Variants in NUGGC observed in about 807,000 individuals in gnomAD.
NUGGC encodes the protein nuclear GTPase, germinal center associated, also known as nuclear GTPase SLIP-GC.
A neutral mutation model predicts 92.6 loss-of-function variants in NUGGC; 58 were observed. That is an observed-to-expected ratio of 0.63 (90% CI 0.51 to 0.78). The LOEUF is 0.78. NUGGC is among the 30% of genes least tolerant of loss of function. The probability of loss-of-function intolerance (pLI) is 0.00; values close to 1 mark genes in which losing one functional copy is unlikely to be tolerated. For synonymous variants in NUGGC, 376 were observed against 366.4 expected, an observed-to-expected ratio of 1.03 and a Z score of -0.30; for missense variants, 925 against 964.6, an observed-to-expected ratio of 0.96 and a Z score of 0.54.
At chr8:28,049,728 A>G (rs1024926207) in intron 10 of NUGGC, among the ~76,000 whole-genome samples, 2 of 152,236 alleles carry the variant, frequency 1.3e-5, no homozygotes, top group Non-Finnish European at 2.9e-5. Flanking sequence ...ATAAAACGTA[A>G]CACAATATAT....
intron 18 of NUGGC, among the ~76,000 whole-genome samples, chr8:28,024,410 C>A (rs1809203253): frequency 6.6e-6 from 1 of 152,052 alleles, no homozygotes; most frequent in Non-Finnish European, 1.5e-5. Flanking sequence ...GGCCTCTGGA[C>A]TCGAACTGCC....
rs1484610237 is a variant in NUGGC at position 28,068,427 on chromosome 8, A to T, written c.269T>A (p.Leu90His). The change falls in exon 5 of 19, where the codon CTT becomes CAT. Residue 90 changes from leucine to histidine, a missense_variant. Coordinates refer to ENST00000413272, the MANE Select transcript of NUGGC (RefSeq NM_001010906.2). ...CACTGTCGGCTTTTCAATCAAGGCA[A>T]GAAGCCTATTTCTGGATGAATTTTA... ...NGVKYLINRLLALIEKPTVDP... is the reference protein window; with the variant it reads ...NGVKYLINRLHALIEKPTVDP... The T allele has an allele frequency of 1.9e-6, 3 of 1,566,064 alleles. No individual in the cohort carries two copies. In the South Asian group the frequency reaches 3.5e-5, roughly 18 times the overall value.
chr8:28,063,338 G>C (rs957973816), intron 7 of NUGGC, among the ~76,000 whole-genome samples: 6 of 152,218 alleles, frequency 3.9e-5, no homozygotes, highest in African/African-American at 1.4e-4. Context: ...CAGTGTATCT[G>C]AACTGGCTGC....
Position 28,080,405 on chromosome 8 carries a change from T to C in NUGGC, c.-47+3370A>G, listed in dbSNP as rs558143993. ...ATGTCCTTTTCTTTTCCCCTAGTTATTCTCCTTAGGCAGAATCTCATTTCA... is the reference window on the plus strand; with the variant it reads ...ATGTCCTTTTCTTTTCCCCTAGTTACTCTCCTTAGGCAGAATCTCATTTCA... On this transcript the variant is annotated intron_variant, in intron 1 of 18. Coordinates refer to ENST00000413272, the MANE Select transcript of NUGGC (RefSeq NM_001010906.2). 1.1e-4 allele frequency among the ~76,000 whole-genome samples: 16 copies of C among 152,346 alleles called. 2 individuals carry two copies. The South Asian group carries it at 3.3e-3, about 32-fold the overall frequency.
Position 28,043,225 on chromosome 8 carries a change from C to T in NUGGC, c.1447-2010G>A, listed in dbSNP as rs544489082. ...AAAAGAATGATAAGAAAGGGAAGAG[C>T]GGAGAATAAAAGAACAATAAGAAAC... On this transcript the variant is annotated intron_variant, in intron 12 of 18. Transcript: ENST00000413272. Among the ~76,000 whole-genome samples the T allele has an allele frequency of 8.5e-5, 13 of 152,180 alleles. No individual in the cohort carries two copies. In the East Asian group the frequency reaches 1.3e-3, roughly 16 times the overall value.
intron 13 of NUGGC, among the ~76,000 whole-genome samples, 192 bp downstream of exon 13, chr8:28,040,859 A>C (rs369239662): frequency 3.1e-4 from 47 of 152,054 alleles, no homozygotes; most frequent in African/African-American, 8.2e-4. Flanking sequence ...GTTGGCCAGG[A>C]TGGTCTTGAT....
chr8:28,069,647 T>C lies in NUGGC; in HGVS notation c.154A>G (p.Lys52Glu). The change falls in exon 4 of 19, where the codon AAA (lysine) becomes GAA (glutamate). Residue 52 changes from lysine (K) to glutamate (E), a missense_variant. Transcript: ENST00000413272. ...ACCCTTCTGGTCCGTGATTCCAATT[T>C]TTCATCTGGAATTAACAGAGAGATG... ...MEQSALKEYE[K>E]LESRTRRVLS... 1 of 1,589,342 alleles carries C rather than the reference T, an allele frequency of 6.3e-7. No homozygotes were observed. The highest frequency in any genetic ancestry group is 8.6e-7 in the Non-Finnish European group (1 of 1,157,520).
chr8:28,078,183 G>A (rs942473255), intron 1 of NUGGC, among the ~76,000 whole-genome samples: 4 of 152,182 alleles, frequency 2.6e-5, no homozygotes, highest in African/African-American at 9.7e-5. Flanking sequence ...AACTCTAACT[G>A]AAATTTGGAA....
intron 1 of NUGGC, among the ~76,000 whole-genome samples, chr8:28,076,137 C>G (rs1474002703): frequency 6.6e-6 from 1 of 152,200 alleles, no homozygotes; most frequent in Non-Finnish European, 1.5e-5. Context: ...GGTTGAACCA[C>G]TCGAGGTCAG....
Position 28,068,259 on chromosome 8 carries a change from C to A in NUGGC, c.437G>T (p.Cys146Phe), listed in dbSNP as rs1353395196. 3.2e-6 allele frequency: 5 copies of A among 1,550,600 alleles called. No individual in the cohort carries two copies. The highest frequency in any genetic ancestry group is 4.4e-6 in the Non-Finnish European group (5 of 1,147,084). Residue 146 changes from cysteine (C) to phenylalanine (F), a missense_variant, in exon 5 of 19, where the codon TGC (cysteine) becomes TTC (phenylalanine). Cys to Phe is a radical substitution (Grantham distance 205). Transcript: ENST00000413272. ...GATTTTGGCCTCATACTGCACACAG[C>A]AGCCAGAGCTCACTTGTACAATGCA... ...TSCIVQVSSG[C>F]CVQYEAKIHL...
chr8:28,044,914 G>A (rs1809791975), intron 12 of NUGGC, among the ~76,000 whole-genome samples: 1 of 152,150 alleles, frequency 6.6e-6, no homozygotes, highest in South Asian at 2.1e-4. Flanking sequence ...TAATCTAGCA[G>A]CTTATCCCTC....
At chr8:28,068,783 C>T (rs529442965) in intron 4 of NUGGC, among the ~76,000 whole-genome samples, 3 of 152,140 alleles carry the variant, frequency 2.0e-5, no homozygotes, top group Non-Finnish European at 2.9e-5. Flanking sequence ...GTCACCCAGG[C>T]TGGAGTGCAG....
At chr8:28,042,536 C>A (rs969834636) in intron 12 of NUGGC, among the ~76,000 whole-genome samples, 1 of 152,230 alleles carries the variant, frequency 6.6e-6, no homozygotes, top group Non-Finnish European at 1.5e-5. Context: ...CCATGAGGCA[C>A]CTTCCCTGAG....
rs1290865518 is a variant in NUGGC, at chr8:28,022,228, G to A, written c.*1089C>T. On this transcript the variant is annotated 3_prime_UTR_variant, in exon 19 of 19. Coordinates refer to ENST00000413272, the MANE Select transcript of NUGGC (RefSeq NM_001010906.2). ...GGCTGGAGTGCAGTGGCGCGACCTT[G>A]GCTCACTGCAACCTATGCCTCCTGG... 2.3e-5 allele frequency: 3 copies of A among 130,214 alleles called. No individual in the cohort carries two copies. The highest frequency in any genetic ancestry group is 4.7e-5 in the Non-Finnish European group (3 of 63,672). The allele number at this position is 130,214 out of a possible 1,614,324, so 8.1% of individuals were successfully genotyped here. A position where few individuals can be genotyped will look rare whatever the true frequency, so the allele number is the denominator to read the frequency against.
At position 28,069,701 on chromosome 8, in the gene NUGGC, G is replaced by A. The variant is rs765290405; in HGVS notation, c.149-49C>T. ...CCTGCAGGTACCTGGCAGGGATAAA[G>A]TACTAGGTCTCCAAAGGAGGTGTCT... On this transcript the variant is annotated intron_variant, in intron 3 of 18. Transcript: ENST00000413272. The A allele has an allele frequency of 9.1e-5, 91 of 996,444 alleles. No individual in the cohort carries two copies. The Admixed American group carries it at 1.5e-3, about 16-fold the overall frequency. 61.7% of individuals were successfully genotyped at this position (996,444 alleles called of 1,614,324 possible). A position where few individuals can be genotyped will look rare whatever the true frequency, so the allele number is the denominator to read the frequency against.
intron 13 of NUGGC, among the ~76,000 whole-genome samples, chr8:28,039,618 C>T (rs943358968): frequency 2.0e-5 from 3 of 152,150 alleles, no homozygotes; most frequent in Non-Finnish European, 4.4e-5. Flanking sequence ...CCGGTATCAT[C>T]GGTGCACATA....
At chr8:28,037,639 A>C (rs973190489) in intron 13 of NUGGC, among the ~76,000 whole-genome samples, 7 of 152,194 alleles carry the variant, frequency 4.6e-5, no homozygotes, top group African/African-American at 1.7e-4. Context: ...TGAGCTATTC[A>C]GCACAAGGCA....
chr8:28,030,383 G>T lies in NUGGC; in HGVS notation c.1944C>A (p.Ile648=), dbSNP rs1224699619. The T allele has an allele frequency of 1.9e-6, 3 of 1,579,658 alleles. No individual in the cohort carries two copies. In the South Asian group the frequency reaches 3.5e-5, roughly 18 times the overall value. The change falls in exon 16 of 19, where the codon ATC becomes ATA. Residue 648 remains isoleucine (I), a synonymous_variant. Coordinates refer to ENST00000413272, the MANE Select transcript of NUGGC (RefSeq NM_001010906.2). ...CGTAGATCCTCCTCTTCCTTCTGAGGATGTGGTCCTCCAGGCCCCCGAGGA... is the reference window on the plus strand; with the variant it reads ...CGTAGATCCTCCTCTTCCTTCTGAGTATGTGGTCCTCCAGGCCCCCGAGGA... ...SAILGGLEDH[I]LRRKRRIYES...
chr8:28,029,663 C>T (rs571596287), intron 16 of NUGGC, among the ~76,000 whole-genome samples: 5 of 152,196 alleles, frequency 3.3e-5, no homozygotes, highest in Non-Finnish European at 4.4e-5. Flanking sequence ...GCACGAGAAT[C>T]GCTTCAACCC....
Sources: gnomAD v4.1 joint callset for allele counts (sites outside exome capture counted in the v4.1 genomes callset) on GRCh38, gnomAD v4.1.1 for gene constraint, MANE v1.5 for transcripts, NCBI Gene and HGNC (gene_info 2026-07-23, HGNC 2026-07-21) for gene names.